DYNC1I1: variants seen among roughly 807,000 people sequenced by gnomAD.
DYNC1I1 encodes the protein cytoplasmic dynein 1 intermediate chain 1.
A neutral mutation model predicts 86.6 loss-of-function variants in DYNC1I1; 43 were observed. The observed-to-expected ratio is 0.50, with a 90% CI of 0.39 to 0.64. The LOEUF is 0.64. Ranked by LOEUF, DYNC1I1 falls within the 30% of genes least tolerant of loss-of-function variation. The pLI, the probability that DYNC1I1 is intolerant of heterozygous loss-of-function variation, is 0.00. For missense variants in DYNC1I1, 604 were observed against 788.8 expected (o/e 0.77, Z 2.81); for synonymous variants, 262 against 283.7 (o/e 0.92, Z 0.77).
At chr7:96,078,340 G>A (rs2116257052) in intron 15 of DYNC1I1, among the ~76,000 whole-genome samples, 1 of 152,260 alleles carries the variant, frequency 6.6e-6, no homozygotes, top group East Asian at 1.9e-4. Flanking sequence ...ACAAAGTACA[G>A]TATAAGAGAC....
chr7:96,053,193 G>C (rs78682171), intron 14 of DYNC1I1, among the ~76,000 whole-genome samples: 23 of 152,212 alleles, frequency 1.5e-4, no homozygotes, highest in African/African-American at 5.5e-4. Context: ...GTTTTCAGAC[G>C]AAGCCAATTA....
At position 95,879,853 on chromosome 7, in the gene DYNC1I1, A is replaced by G. The variant is rs763785816; in HGVS notation, c.490+9855A>G. On this transcript the variant is annotated intron_variant, in intron 6 of 16. Transcript: ENST00000447467. ...TCCTAATAGAGAGAGAATTGTAGGA[A>G]GGTAATTGTCCAACATTTTTTGATT... 2.0e-5 allele frequency among the ~76,000 whole-genome samples: 3 copies of G among 152,174 alleles called. No homozygotes were observed. In the East Asian group the frequency reaches 5.8e-4, roughly 29 times the overall value.
At chr7:95,806,317 G>C (rs1325470560) in intron 2 of DYNC1I1, among the ~76,000 whole-genome samples, 1 of 152,134 alleles carries the variant, frequency 6.6e-6, no homozygotes, top group South Asian at 2.1e-4. Flanking sequence ...GGGAAATTTG[G>C]TTCCAAATTA....
At chr7:96,010,310 GT>G (rs2115843784) in intron 10 of DYNC1I1, among the ~76,000 whole-genome samples, 2 of 152,260 alleles carry the variant, frequency 1.3e-5, no homozygotes, top group South Asian at 4.1e-4. Context: ...GGTTAGGTTC[GT>G]TTGTGGAAAA....
intron 14 of DYNC1I1, among the ~76,000 whole-genome samples, chr7:96,044,174 C>T (rs1242006239): frequency 6.6e-6 from 1 of 152,138 alleles, no homozygotes; most frequent in Non-Finnish European, 1.5e-5. Context: ...ATTATTGAAG[C>T]TGGATGATTG....
intron 6 of DYNC1I1, among the ~76,000 whole-genome samples, chr7:95,907,172 T>C (rs1026387666): frequency 2.0e-5 from 3 of 152,144 alleles, no homozygotes; most frequent in South Asian, 2.1e-4. Context: ...TGCTTTTTCT[T>C]GTCCCACACT....
chr7:95,867,299 T>C (rs1034279211), intron 5 of DYNC1I1, among the ~76,000 whole-genome samples: 2 of 152,196 alleles, frequency 1.3e-5, no homozygotes, highest in Admixed American at 1.3e-4. Flanking sequence ...CCACTTGATA[T>C]ATACCAGGCA....
intron 5 of DYNC1I1, among the ~76,000 whole-genome samples, chr7:95,845,080 ATC>A (rs1262939756): frequency 1.2e-4 from 19 of 152,228 alleles, no homozygotes; most frequent in African/African-American, 4.6e-4. Flanking sequence ...GTCAGATCAG[ATC>A]TCTTTCACTG....
chr7:95,896,574 T>G (rs1790888203), intron 6 of DYNC1I1, among the ~76,000 whole-genome samples: 1 of 152,196 alleles, frequency 6.6e-6, no homozygotes. Context: ...TTACAGTTAT[T>G]AAACATTTAG....
At chr7:96,061,373 C>T (rs763850310) in intron 14 of DYNC1I1, among the ~76,000 whole-genome samples, 3 of 152,080 alleles carry the variant, frequency 2.0e-5, no homozygotes, top group Admixed American at 6.5e-5. Flanking sequence ...GTCACTAGCT[C>T]GGGAAGAGGT....
chr7:95,799,520 G>A (rs1189524432), intron 1 of DYNC1I1, among the ~76,000 whole-genome samples: 1 of 152,164 alleles, frequency 6.6e-6, no homozygotes, highest in Non-Finnish European at 1.5e-5. Context: ...AGTGGGTAAG[G>A]TGCAGGGGAT....
chr7:95,856,272 CT>C (rs1040766378), intron 5 of DYNC1I1, among the ~76,000 whole-genome samples: 2 of 152,172 alleles, frequency 1.3e-5, no homozygotes, highest in Non-Finnish European at 2.9e-5. Flanking sequence ...TGTTGTCCCC[CT>C]GGACGGTCTT....
intron 6 of DYNC1I1, among the ~76,000 whole-genome samples, chr7:95,884,581 G>A (rs143486493): frequency 2.0e-5 from 3 of 152,166 alleles, no homozygotes; most frequent in East Asian, 3.9e-4. Context: ...TTTCTTGAGA[G>A]GAAGTCAATG....
intron 6 of DYNC1I1, among the ~76,000 whole-genome samples, chr7:95,941,963 T>C (rs1167719361): frequency 1.3e-5 from 2 of 152,020 alleles, no homozygotes; most frequent in Non-Finnish European, 2.9e-5. Context: ...TTAAAAGAAC[T>C]AGAAAAGCAA....
chr7:95,989,769 G>A (rs1793684814), intron 9 of DYNC1I1, among the ~76,000 whole-genome samples: 1 of 152,182 alleles, frequency 6.6e-6, no homozygotes, highest in African/African-American at 2.4e-5. Flanking sequence ...GCTTACCTAC[G>A]CTGTGGGGAA....
intron 4 of DYNC1I1, among the ~76,000 whole-genome samples, chr7:95,822,583 G>A (rs1238325881): frequency 6.6e-6 from 1 of 152,090 alleles, no homozygotes; most frequent in African/African-American, 2.4e-5. Context: ...TGGGACCATA[G>A]AACCGTAACA....
chr7:96,107,214 G>A (rs554140255), intron 16 of DYNC1I1, among the ~76,000 whole-genome samples: 118 of 151,996 alleles, frequency 7.8e-4, no homozygotes, highest in African/African-American at 2.7e-3. Flanking sequence ...ATTTTTAGTA[G>A]AGACAGGGTT....
intron 6 of DYNC1I1, among the ~76,000 whole-genome samples, chr7:95,924,780 T>A (rs1024150650): frequency 6.6e-6 from 1 of 151,870 alleles, no homozygotes; most frequent in Non-Finnish European, 1.5e-5. Flanking sequence ...GAAGGGGGAG[T>A]ATCTGTCTGA....
chr7:95,879,164 G>A (rs1466575581), intron 6 of DYNC1I1, among the ~76,000 whole-genome samples: 1 of 152,144 alleles, frequency 6.6e-6, no homozygotes, highest in Non-Finnish European at 1.5e-5. Flanking sequence ...AAGAGCACAA[G>A]TAGAGGTAGC....
Sources: gnomAD v4.1 joint callset for allele counts (sites outside exome capture counted in the v4.1 genomes callset) on GRCh38, gnomAD v4.1.1 for gene constraint, MANE v1.5 for transcripts, NCBI Gene and HGNC (gene_info 2026-07-23, HGNC 2026-07-21) for gene names.